DLC1: variants seen among roughly 807,000 people sequenced by gnomAD.
DLC1 encodes the protein DLC1 Rho GTPase activating protein.
A neutral mutation model predicts 140.3 loss-of-function variants in DLC1; 54 were observed. The ratio of observed to expected loss-of-function variants is 0.38; its 90% confidence interval spans 0.31 to 0.48. The LOEUF is 0.48. Among genes scored for constraint, DLC1 ranks in the 20% least tolerant of loss-of-function variants. The pLI is 0.96. For synonymous variants in DLC1, 986 were observed against 728.1 expected (o/e 1.35, Z -5.70); for missense variants, 2,536 against 1,907.0 (o/e 1.33, Z -6.14).
chr8:13,140,238 C>G (rs533411907), intron 5 of DLC1, among the ~76,000 whole-genome samples: 2 of 152,172 alleles, frequency 1.3e-5, no homozygotes, highest in Admixed American at 6.5e-5. Context: ...CTATATCTAT[C>G]TATATATTTT....
intron 1 of DLC1, among the ~76,000 whole-genome samples, chr8:13,510,326 A>ACCGTGCCTGCTT (rs1325498721): frequency 6.6e-6 from 1 of 152,068 alleles, no homozygotes; most frequent in African/African-American, 2.4e-5. Flanking sequence ...GGTGCCTGCT[A>ACCGTGCCTGCTT]CCATGCCTGG....
chr8:13,567,071 A>G, intron 1 of DLC1: 1 of 1,551,694 alleles, frequency 6.4e-7, no homozygotes, highest in Non-Finnish European at 8.7e-7. Context: ...ACTTTGAAGA[A>G]CTCTACTGAT....
chr8:13,321,503 A>T (rs934104311), intron 4 of DLC1, among the ~76,000 whole-genome samples: 6 of 130,306 alleles, frequency 4.6e-5, no homozygotes, highest in Non-Finnish European at 6.3e-5. Context: ...GCACCACTGC[A>T]CTCCAGCCTA....
At chr8:13,131,929 G>C (rs114321330) in intron 5 of DLC1, among the ~76,000 whole-genome samples, 4 of 152,298 alleles carry the variant, frequency 2.6e-5, no homozygotes, top group African/African-American at 9.6e-5. Flanking sequence ...ACACGCAGCA[G>C]GGTGCTGCAG....
In DLC1 at chr8:13,549,066, T is replaced by TA. The variant is rs141819893; in HGVS notation, c.-125-48871dup. Reference sequence around the variant, plus strand: ...TTTAGCCATAACTGACCAACTATATTAAAAGTCAGGAAATGAGTCTCCACC... The same window carrying TA: ...TTTAGCCATAACTGACCAACTATATTAAAAAGTCAGGAAATGAGTCTCCACC... On this transcript the variant is annotated intron_variant, in intron 1 of 1. Coordinates refer to the DLC1 transcript ENST00000631382. Among the ~76,000 whole-genome samples, 337 of 152,142 alleles carry TA rather than the reference T, an allele frequency of 2.2e-3. 3 individuals carry two copies. Among genetic ancestry groups the TA allele is most frequent in the African/African-American group, 7.6e-3 (317 of 41,532 alleles).
chr8:13,349,540 C>T (rs372393864), intron 4 of DLC1, among the ~76,000 whole-genome samples: 6 of 152,196 alleles, frequency 3.9e-5, no homozygotes, highest in Non-Finnish European at 8.8e-5. Context: ...ACCAGATCAC[C>T]AGCCACCAGG....
intron 2 of DLC1, among the ~76,000 whole-genome samples, chr8:13,466,488 A>G (rs1329197052): frequency 6.6e-6 from 1 of 152,228 alleles, no homozygotes; most frequent in African/African-American, 2.4e-5. Flanking sequence ...CACGTTAGAC[A>G]AGAGCCAGAA....
intron 12 of DLC1, among the ~76,000 whole-genome samples, chr8:13,094,469 C>A (rs1818339599): frequency 6.6e-6 from 1 of 151,966 alleles, no homozygotes; most frequent in Non-Finnish European, 1.5e-5. Flanking sequence ...AGTTCGAGAC[C>A]ATCCTGGCCA....
chr8:13,276,122 C>T, intron 5 of DLC1: 2 of 1,256,674 alleles, frequency 1.6e-6, no homozygotes, highest in South Asian at 3.2e-5. Context: ...GGAGACCGAA[C>T]ACACTGCCAT....
chr8:13,329,204 A>T (rs182806890), intron 4 of DLC1, among the ~76,000 whole-genome samples: 68 of 152,318 alleles, frequency 4.5e-4, no homozygotes, highest in Middle Eastern at 3.4e-3. Flanking sequence ...CCTTTTCCTC[A>T]TCCCCTCTCC....
intron 4 of DLC1, among the ~76,000 whole-genome samples, chr8:13,343,530 G>A (rs1213260737): frequency 2.6e-5 from 4 of 152,158 alleles, no homozygotes; most frequent in Non-Finnish European, 5.9e-5. Flanking sequence ...ACTATGCTAG[G>A]TAATTTGGTT....
chr8:13,111,215 C>T (rs533521856), intron 6 of DLC1, among the ~76,000 whole-genome samples: 2 of 151,990 alleles, frequency 1.3e-5, no homozygotes, highest in South Asian at 2.1e-4. Flanking sequence ...TCTTTGCTCA[C>T]GTGTGATCAG....
At chr8:13,148,002 G>C (rs1823557439) in intron 5 of DLC1, among the ~76,000 whole-genome samples, 1 of 151,992 alleles carries the variant, frequency 6.6e-6, no homozygotes, top group Non-Finnish European at 1.5e-5. Flanking sequence ...AAGAAGAAAA[G>C]CATTTATTAC....
rs375565428 is a variant in DLC1, at chr8:13,098,726, C to G, written c.2991-151G>C. ...GAACTCCTCAGCTCAAGTGATCCTC[C>G]TGCCTCAGCCTCCTGAGTAGCCAGG... On this transcript the variant is annotated intron_variant, in intron 9 of 17. Transcript: ENST00000276297. The G allele has an allele frequency of 6.0e-5, 49 of 811,516 alleles. 3 individuals are homozygous for G. The highest frequency in any genetic ancestry group is 5.7e-4 in the African/African-American group (33 of 57,726). 50.3% of individuals were successfully genotyped at this position (811,516 alleles called of 1,614,324 possible). A position where few individuals can be genotyped will look rare whatever the true frequency, so the allele number is the denominator to read the frequency against.
At chr8:13,321,703 T>G (rs1833133135) in intron 4 of DLC1, among the ~76,000 whole-genome samples, 1 of 152,114 alleles carries the variant, frequency 6.6e-6, no homozygotes, top group Non-Finnish European at 1.5e-5. Context: ...AGGAGGATAA[T>G]TCATCCAGTT....
chr8:13,291,624 G>A (rs1330821719), intron 5 of DLC1, among the ~76,000 whole-genome samples: 1 of 152,142 alleles, frequency 6.6e-6, no homozygotes, highest in African/African-American at 2.4e-5. Context: ...ACATACTATA[G>A]TGACATGGAC....
chr8:13,373,582 C>T (rs940891587), intron 4 of DLC1, among the ~76,000 whole-genome samples: 5 of 152,182 alleles, frequency 3.3e-5, no homozygotes, highest in African/African-American at 9.7e-5. Context: ...ATAGGATTTA[C>T]ACAACATGCA....
At chr8:13,177,021 GAATCT>G (rs960033675) in intron 5 of DLC1, among the ~76,000 whole-genome samples, 1 of 152,132 alleles carries the variant, frequency 6.6e-6, no homozygotes, top group Non-Finnish European at 1.5e-5. Context: ...CTGCCATCTT[GAATCT>G]AATCTAAACT....
chr8:13,376,213 C>A (rs1586233537), intron 4 of DLC1, among the ~76,000 whole-genome samples: 1 of 152,100 alleles, frequency 6.6e-6, no homozygotes, highest in Non-Finnish European at 1.5e-5. Flanking sequence ...AAATGGAAAA[C>A]ATTTTCACAT....
Sources: gnomAD v4.1 joint callset for allele counts (sites outside exome capture counted in the v4.1 genomes callset) on GRCh38, gnomAD v4.1.1 for gene constraint, MANE v1.5 for transcripts, NCBI Gene and HGNC (gene_info 2026-07-23, HGNC 2026-07-21) for gene names.